BLTP1: variants seen among roughly 807,000 people sequenced by gnomAD.
BLTP1 encodes the protein bridge-like lipid transfer protein family member 1, also known as fragile site-associated protein.
the BLTP1 span, chr4:122,247,517 T>A: frequency 9.7e-7 from 1 of 1,026,366 alleles, no homozygotes; most frequent in Non-Finnish European, 1.4e-6. Context: ...GGTATTTAGC[T>A]ACTTGTCACT....
the BLTP1 span, among the ~76,000 whole-genome samples, chr4:122,311,917 G>A: frequency 2.6e-5 from 4 of 152,248 alleles, no homozygotes; most frequent in South Asian, 8.3e-4. Context: ...GAAGAGACTA[G>A]TTGATTTCTT....
At chr4:122,160,569 G>A in the BLTP1 span, among the ~76,000 whole-genome samples, 523 of 152,268 alleles carry the variant, frequency 3.4e-3, 3 homozygotes, top group Non-Finnish European at 4.2e-3. Flanking sequence ...GAATTGGAAG[G>A]AACTTCACAA....
the BLTP1 span, chr4:122,359,996 T>C: frequency 1.0e-6 from 1 of 985,292 alleles, no homozygotes; most frequent in Non-Finnish European, 1.2e-6. Context: ...CCTTCCACTG[T>C]TGCCACTAGT....
the BLTP1 span, chr4:122,184,719 C>G: frequency 2.0e-6 from 2 of 985,124 alleles, no homozygotes; most frequent in Non-Finnish European, 2.4e-6. Context: ...ACAACTGGTA[C>G]TATACAGTCA....
At chr4:122,248,338 A>G in the BLTP1 span, among the ~76,000 whole-genome samples, 1 of 152,064 alleles carries the variant, frequency 6.6e-6, no homozygotes, top group South Asian at 2.1e-4. Flanking sequence ...TTTGAAAGGC[A>G]TTATCATGCA....
chr4:122,174,798 T>C, the BLTP1 span: 2 of 684,748 alleles, frequency 2.9e-6, no homozygotes, highest in Non-Finnish European at 2.3e-6. Context: ...TCATACTTGA[T>C]GAATTGATGT....
chr4:122,346,202 G>GTCTAAAAGTCTAAAGTCACTTTGA, the BLTP1 span, among the ~76,000 whole-genome samples: 1 of 152,116 alleles, frequency 6.6e-6, no homozygotes, highest in South Asian at 2.1e-4. Context: ...AATGTTTTTT[G>GTCTAAAAGTCTAAAGTCACTTTGA]TCTAAAGTCA....
chr4:122,189,700 A>T, the BLTP1 span: 5 of 910,642 alleles, frequency 5.5e-6, no homozygotes, highest in Non-Finnish European at 6.6e-6. Context: ...AAAATGAAAA[A>T]TATAAAACTA....
At chr4:122,216,075 A>G in the BLTP1 span, among the ~76,000 whole-genome samples, 1 of 146,828 alleles carries the variant, frequency 6.8e-6, no homozygotes, top group East Asian at 2.0e-4. Flanking sequence ...GTGTGTATCT[A>G]TCTTTGTCTG....
chr4:122,230,692 A>G, the BLTP1 span, among the ~76,000 whole-genome samples: 3 of 152,176 alleles, frequency 2.0e-5, no homozygotes, highest in Admixed American at 1.3e-4. Flanking sequence ...ATTATTATAT[A>G]TGATTTAAAA....
At chr4:122,222,032 G>A in the BLTP1 span, 1 of 390,266 alleles carries the variant, frequency 2.6e-6, no homozygotes, top group Non-Finnish European at 3.5e-6. Context: ...GACTTATTTG[G>A]GGATTAGAGA....
chr4:122,172,667 C>A, the BLTP1 span, among the ~76,000 whole-genome samples: 59 of 152,094 alleles, frequency 3.9e-4, no homozygotes, highest in Non-Finnish European at 7.4e-4. Flanking sequence ...TAGCTTGTTT[C>A]AGGAAATAAC....
chr4:122,243,294 A>G, the BLTP1 span: 1 of 606,994 alleles, frequency 1.6e-6, no homozygotes, highest in Non-Finnish European at 2.1e-6. Context: ...TTGCTGACTA[A>G]TAAGACTTCA....
At chr4:122,237,448 A>G in the BLTP1 span, 1 of 744,152 alleles carries the variant, frequency 1.3e-6, no homozygotes, top group Non-Finnish European at 1.6e-6. Context: ...CTGGAGGTAC[A>G]TCAGTGAATG....
At chr4:122,160,334 A>G in the BLTP1 span, among the ~76,000 whole-genome samples, 3 of 152,202 alleles carry the variant, frequency 2.0e-5, no homozygotes, top group African/African-American at 4.8e-5. Flanking sequence ...TTAGCGTTCT[A>G]TTTAAATAAA....
the BLTP1 span, among the ~76,000 whole-genome samples, chr4:122,300,709 TA>T: frequency 1.3e-5 from 2 of 152,176 alleles, no homozygotes; most frequent in African/African-American, 4.8e-5. Context: ...TGGTCCCTAA[TA>T]GGGGAAGAAA....
the BLTP1 span, chr4:122,246,142 A>G: frequency 6.4e-7 from 1 of 1,556,390 alleles, no homozygotes; most frequent in Admixed American, 2.0e-5. Flanking sequence ...TTCACTTACG[A>G]TCTTTTTAGT....
chr4:122,254,516 G>A, the BLTP1 span: 1 of 938,966 alleles, frequency 1.1e-6, no homozygotes. Flanking sequence ...GTCTTACCTT[G>A]TTTGACCCAA....
chr4:122,231,525 G>A, the BLTP1 span: 2 of 405,070 alleles, frequency 4.9e-6, no homozygotes, highest in Admixed American at 6.5e-5. Flanking sequence ...GATCTCTGTT[G>A]CTAGTATTTT....
Sources: allele counts gnomAD v4.1 joint callset (sites outside exome capture counted in the v4.1 genomes callset), GRCh38; gene constraint gnomAD v4.1.1; transcripts MANE v1.5; gene names NCBI Gene and HGNC (gene_info 2026-07-23, HGNC 2026-07-21).